The following TOMM40L variants were observed in gnomAD, a reference collection of about 807,000 sequenced individuals.
TOMM40L encodes translocase of outer mitochondrial membrane 40 like.
In TOMM40L, 17 loss-of-function variants were observed where a neutral mutation model predicts 38.3. That is an observed-to-expected ratio of 0.44 (90% CI 0.30 to 0.67). The LOEUF (loss-of-function observed/expected upper bound fraction) is 0.67. Among genes scored for constraint, TOMM40L ranks in the 30% least tolerant of loss-of-function variants. The probability of loss-of-function intolerance (pLI) is 0.08; values close to 1 mark genes in which losing one functional copy is unlikely to be tolerated. For synonymous variants in TOMM40L, 151 were observed against 150.2 expected, an observed-to-expected ratio of 1.01 and a Z score of -0.04; for missense variants, 294 against 390.0, an observed-to-expected ratio of 0.75 and a Z score of 2.07.
chr1:161,228,624 A>G lies in TOMM40L; in HGVS notation c.685-91A>G, dbSNP rs1288138724. 5 of 1,557,564 alleles carry G rather than the reference A, an allele frequency of 3.2e-6. No homozygotes were observed. In the East Asian group the frequency reaches 6.7e-5, roughly 21 times the overall value. ...CCTACCACGCTGTGTATATATTTAC[A>G]TGCATGCCTCCATTCTGCTGATTCC... On this transcript the variant is annotated intron_variant, in intron 8 of 9. Coordinates refer to ENST00000367988, the MANE Select transcript of TOMM40L (RefSeq NM_032174.6).
Position 161,230,694 on chromosome 1 carries a change from C to T in TOMM40L, c.*1599C>T. 1 of 1,387,340 alleles carries T rather than the reference C, an allele frequency of 7.2e-7. No individual in the cohort carries two copies. The highest frequency in any genetic ancestry group is 1.0e-6 in the Non-Finnish European group (1 of 1,003,402). The allele number at this position is 1,387,340 out of a possible 1,614,324, so 85.9% of individuals were successfully genotyped here. ...GATGGCCAGGGGGAAGGACTAGACCCCACGATACCTGAATTCCCTAAGGAA... is the reference window on the plus strand; with the variant it reads ...GATGGCCAGGGGGAAGGACTAGACCTCACGATACCTGAATTCCCTAAGGAA... On this transcript the variant is annotated 3_prime_UTR_variant, in exon 10 of 10. Transcript: ENST00000367988.
chr1:161,229,145 C>T lies in TOMM40L; in HGVS notation c.*50C>T. 6.2e-7 allele frequency: 1 copy of T among 1,613,646 alleles called. No homozygotes were observed. The highest frequency in any genetic ancestry group is 8.5e-7 in the Non-Finnish European group (1 of 1,179,740). ...GCAGCTGGAACCTCTGAGTCAGGTG[C>T]CCTAGGGCCAAAGACTAGGCCCCTC... On this transcript the variant is annotated 3_prime_UTR_variant, in exon 10 of 10. Coordinates refer to ENST00000367988, the MANE Select transcript of TOMM40L (RefSeq NM_032174.6).
Position 161,227,897 on chromosome 1 carries a change from A to G in TOMM40L, c.392A>G (p.Lys131Arg). The change falls in exon 6 of 10, where the codon AAG becomes AGG. Residue 131 changes from lysine to arginine, a missense_variant. By Grantham distance (26) the Lys-to-Arg change is conservative. Coordinates refer to ENST00000367988, the MANE Select transcript of TOMM40L (RefSeq NM_032174.6). ...AKAVFQTQQA[K>R]FLTWQFDGEY... The stretch of plus-strand genomic sequence containing the variant: ...CTTGCCACCCAGACGCAGCAGGCCA[A>G]GTTCCTGACATGGCAGTTTGATGGC... 1.2e-6 allele frequency: 2 copies of G among 1,614,168 alleles called. No homozygotes were observed. The highest frequency in any genetic ancestry group is 1.7e-6 in the Non-Finnish European group (2 of 1,180,000).
Position 161,230,025 on chromosome 1 carries a change from G to T in TOMM40L, c.*930G>T. 7.1e-7 allele frequency: 1 copy of T among 1,417,256 alleles called. No homozygotes were observed. Among genetic ancestry groups the T allele is most frequent in the Non-Finnish European group, 9.8e-7 (1 of 1,022,898 alleles). The allele number at this position is 1,417,256 out of a possible 1,614,324, so 87.8% of individuals were successfully genotyped here. A position where few individuals can be genotyped will look rare whatever the true frequency, so the allele number is the denominator to read the frequency against. Reference sequence around the variant, plus strand: ...CTGATCCCCTGAACTATTCCTCAGTGAAGCCAGGTCTGAACATTAGAGAAA... The same window carrying T: ...CTGATCCCCTGAACTATTCCTCAGTTAAGCCAGGTCTGAACATTAGAGAAA... On this transcript the variant is annotated 3_prime_UTR_variant, in exon 10 of 10. Coordinates refer to ENST00000367988, the MANE Select transcript of TOMM40L (RefSeq NM_032174.6).
rs921897699 is a variant in TOMM40L, at chr1:161,228,447, A to C, written c.627A>C (p.Thr209=). The change falls in exon 8 of 10, where the codon ACA becomes ACC. Residue 209 remains threonine, a synonymous_variant. Coordinates refer to ENST00000367988, the MANE Select transcript of TOMM40L (RefSeq NM_032174.6). ...GKYSAVHWVA[T]LNVGSGGAHA... is the part of the protein sequence containing the mutation. The stretch of plus-strand genomic sequence containing the variant: ...TTACAGCTGTACACTGGGTAGCTAC[A>C]TTGAATGTGGGATCAGGCGGGGCCC... 1 of 1,613,908 alleles carries C rather than the reference A, an allele frequency of 6.2e-7. No individual in the cohort carries two copies. Among genetic ancestry groups the C allele is most frequent in the African/African-American group, 1.3e-5 (1 of 74,878 alleles).
chr1:161,226,533 G>C lies in TOMM40L; in HGVS notation c.44G>C (p.Arg15Pro). 2 of 1,614,062 alleles carry C rather than the reference G, an allele frequency of 1.2e-6. No homozygotes were observed. Among genetic ancestry groups the C allele is most frequent in the Non-Finnish European group, 1.7e-6 (2 of 1,179,984 alleles). The change falls in exon 2 of 10, where the codon CGC becomes CCC. Residue 15 changes from arginine to proline, a missense_variant. Physicochemically the swap from Arg to Pro is moderately radical, Grantham distance 103. Coordinates refer to ENST00000367988, the MANE Select transcript of TOMM40L (RefSeq NM_032174.6). Reference protein sequence around the residue: ...LGLAPMGTLPRRSPRREEPLP... With the variant: ...LGLAPMGTLPPRSPRREEPLP... ...CTGGCACCAATGGGGACTTTGCCCC[G>C]CCGGAGCCCCCGCCGAGAGGAACCC...
intron 8 of TOMM40L, 56 bp from the exon 9 acceptor site, chr1:161,228,659 C>T (rs1666556301): frequency 6.3e-7 from 1 of 1,597,820 alleles, no homozygotes; most frequent in African/African-American, 1.3e-5. Context: ...CCCATCAGGA[C>T]CCTTCTGGTC....
intron 4 of TOMM40L, 102 bp from the exon 5 acceptor site, chr1:161,227,534 C>A: frequency 9.0e-7 from 1 of 1,108,394 alleles, no homozygotes; most frequent in Non-Finnish European, 1.3e-6. Context: ...CTTTGTGACT[C>A]CACCAGGGGG....
Position 161,228,274 on chromosome 1 carries a change from G to A in TOMM40L, c.573G>A (p.Glu191=), listed in dbSNP as rs1265582457. Residue 191 remains glutamate (E), a synonymous_variant, in exon 7 of 10, where the codon GAG becomes GAA. Transcript: ENST00000367988. The part of the protein sequence containing the change: ...ELVYHRRPGE[E]GAILTLAGKY... ...TTTATCACCGGCGGCCAGGCGAAGA[G>A]GGGGCCATCTTGACACTGGCTGGGA... is the stretch of plus-strand genomic sequence containing the variant. The A allele has an allele frequency of 1.2e-6, 2 of 1,607,464 alleles. No homozygotes were observed. Among genetic ancestry groups the A allele is most frequent in the East Asian group, 2.2e-5 (1 of 44,808 alleles).
rs372688859 is a variant in TOMM40L at position 161,227,841 on chromosome 1, A to G, written c.379-43A>G. On this transcript the variant is annotated intron_variant, in intron 5 of 9. Coordinates refer to ENST00000367988, the MANE Select transcript of TOMM40L (RefSeq NM_032174.6). The stretch of plus-strand genomic sequence containing the variant: ...AGGAGGAGCAGAGTCTATAATGATC[A>G]TAAAGAGGGAGGGAGATTTTACTTC... The G allele has an allele frequency of 6.8e-5, 109 of 1,609,408 alleles. No homozygotes were observed. The Admixed American group carries it at 1.7e-3, about 25-fold the overall frequency.
chr1:161,227,066 G>A (rs1020223937), intron 3 of TOMM40L, 111 bp downstream of exon 3: 1 of 1,370,348 alleles, frequency 7.3e-7, no homozygotes, highest in Non-Finnish European at 1.0e-6. Flanking sequence ...GACAAATGAG[G>A]GAGGATGTGG....
In TOMM40L at chr1:161,230,705, G is replaced by A; in HGVS notation, c.*1610G>A. The A allele has an allele frequency of 6.7e-7, 1 of 1,484,980 alleles. No individual in the cohort carries two copies. Among genetic ancestry groups the A allele is most frequent in the Non-Finnish European group, 9.2e-7 (1 of 1,083,928 alleles). The allele number at this position is 1,484,980 out of a possible 1,614,324, so 92.0% of individuals were successfully genotyped here. ...GGAAGGACTAGACCCCACGATACCT[G>A]AATTCCCTAAGGAAAGGACAGTAAA... On this transcript the variant is annotated 3_prime_UTR_variant, in exon 10 of 10. Coordinates refer to ENST00000367988, the MANE Select transcript of TOMM40L (RefSeq NM_032174.6).
At position 161,230,158 on chromosome 1, in the gene TOMM40L, T is replaced by C; in HGVS notation, c.*1063T>C. 1.9e-6 allele frequency: 1 copy of C among 520,294 alleles called. No individual in the cohort carries two copies. The allele number at this position is 520,294 out of a possible 1,614,324, so 32.2% of individuals were successfully genotyped here. A position where few individuals can be genotyped will look rare whatever the true frequency, so the allele number is the denominator to read the frequency against. On this transcript the variant is annotated 3_prime_UTR_variant, in exon 10 of 10. Coordinates refer to ENST00000367988, the MANE Select transcript of TOMM40L (RefSeq NM_032174.6). ...GCTCAGTTTTTTCTGAACCCAGAGC[T>C]CTGAGAGCCGAGTGTGAAGAAAGCT...
rs146347518 is a variant in TOMM40L, at chr1:161,228,598, T to G, written c.684+94T>G. On this transcript the variant is annotated intron_variant, in intron 8 of 9. Transcript: ENST00000367988. ...TATCGCCCTGCTGACCTATTTTTCT[T>G]CCTACCACGCTGTGTATATATTTAC... 2.6e-6 allele frequency: 4 copies of G among 1,566,924 alleles called. No homozygotes were observed. In the African/African-American group the frequency reaches 4.1e-5, roughly 16 times the overall value.
Position 161,229,067 on chromosome 1 carries a change from A to G in TOMM40L, c.899A>G (p.His300Arg). The G allele has an allele frequency of 6.2e-7, 1 of 1,614,108 alleles. No homozygotes were observed. The highest frequency in any genetic ancestry group is 8.5e-7 in the Non-Finnish European group (1 of 1,180,000). The change falls in exon 10 of 10, where the codon CAT becomes CGT. Residue 300 changes from histidine (H) to arginine (R), a missense_variant. By Grantham distance (29) the His-to-Arg change is conservative (BLOSUM62 0). Coordinates refer to ENST00000367988, the MANE Select transcript of TOMM40L (RefSeq NM_032174.6). ...CTCAATCACTGGCGCAACAGATTCC[A>G]TTGTGGCTTCAGCATCACTGTGGGC... ...AFLNHWRNRF[H>R]CGFSITVG is the part of the protein sequence containing the mutation.
Position 161,229,533 on chromosome 1 carries a change from C to A in TOMM40L, c.*438C>A. On this transcript the variant is annotated 3_prime_UTR_variant, in exon 10 of 10. Transcript: ENST00000367988. ...AGATGTTTGGTCTCAGGAAGTGGGG[C>A]CCACCCATTCCCAGAAGGAGCTTCT... 8.9e-7 allele frequency: 1 copy of A among 1,128,360 alleles called. No homozygotes were observed. The highest frequency in any genetic ancestry group is 2.3e-5 in the Admixed American group (1 of 43,962). 69.9% of individuals were successfully genotyped at this position (1,128,360 alleles called of 1,614,324 possible). A position where few individuals can be genotyped will look rare whatever the true frequency, so the allele number is the denominator to read the frequency against.
Position 161,227,274 on chromosome 1 carries a change from A to T in TOMM40L, c.200A>T (p.His67Leu). 1 of 1,614,180 alleles carries T rather than the reference A, an allele frequency of 6.2e-7. No homozygotes were observed. Among genetic ancestry groups the T allele is most frequent in the Non-Finnish European group, 8.5e-7 (1 of 1,180,026 alleles). The change falls in exon 4 of 10, where the codon CAC becomes CTC. Residue 67 changes from histidine to leucine, a missense_variant. Transcript: ENST00000367988. ...SSHFQVAHTI[H>L]MSALGLPGYH... The stretch of plus-strand genomic sequence containing the variant: ...TTTCCTCAGGTGGCGCACACTATAC[A>T]CATGAGTGCCCTGGGCTTGCCGGGA...
chr1:161,228,976 T>C lies in TOMM40L; in HGVS notation c.808T>C (p.Cys270Arg), dbSNP rs1243383058. The C allele has an allele frequency of 1.9e-6, 3 of 1,613,966 alleles. No individual in the cohort carries two copies. The highest frequency in any genetic ancestry group is 1.7e-6 in the Non-Finnish European group (2 of 1,180,016). ...AACAGGCTTGGTGGATAGTAACTGG[T>C]GTGTAGGTGCTGTGCTGGAGAAGAA... ...VFRGLVDSNW[C>R]VGAVLEKKMP... The change falls in exon 10 of 10, where the codon TGT becomes CGT. Residue 270 changes from cysteine to arginine, a missense_variant. Physicochemically the swap from Cys to Arg is radical, Grantham distance 180. Transcript: ENST00000367988.
chr1:161,228,843 C>G (rs748580883), intron 9 of TOMM40L, 26 bp downstream of exon 9: 1 of 1,613,820 alleles, frequency 6.2e-7, no homozygotes, highest in Admixed American at 1.7e-5. Flanking sequence ...AGACATTTGG[C>G]TATCCTGAGG....
Sources: allele counts gnomAD v4.1 joint callset, GRCh38; gene constraint gnomAD v4.1.1; transcripts MANE v1.5; gene names NCBI Gene and HGNC (gene_info 2026-07-23, HGNC 2026-07-21).